The following ATG7 variants were observed in gnomAD, a reference collection of about 807,000 sequenced individuals.
ATG7 encodes the protein autophagy related 7.
In ATG7, 70 loss-of-function variants were observed where a neutral mutation model predicts 82.4. The ratio of observed to expected loss-of-function variants is 0.85; its 90% confidence interval spans 0.70 to 1.04. The LOEUF is 1.04. ATG7 is among the 50% of genes least tolerant of loss of function. ATG7 has a pLI of 0.00. For synonymous variants in ATG7, 287 were observed against 313.0 expected (o/e 0.92, Z 0.88); for missense variants, 792 against 864.3 (o/e 0.92, Z 1.05).
rs550006371 is a variant in ATG7 at position 11,316,395 on chromosome 3, T to G, written c.678+902T>G. On this transcript the variant is annotated intron_variant, in intron 9 of 20. Transcript: ENST00000693202. Reference sequence around the variant, plus strand: ...ACATCTAAAACTTTTTTTGTATCTTTGTTTTTCCTCGTGTTGTATCATCTT... The same window carrying G: ...ACATCTAAAACTTTTTTTGTATCTTGGTTTTTCCTCGTGTTGTATCATCTT... 1.2e-4 allele frequency among the ~76,000 whole-genome samples: 19 copies of G among 152,370 alleles called. No individual in the cohort carries two copies. In the South Asian group the frequency reaches 3.5e-3, roughly 28 times the overall value.
chr3:11,400,617 C>G (rs989733834), intron 19 of ATG7, among the ~76,000 whole-genome samples: 1 of 152,056 alleles, frequency 6.6e-6, no homozygotes, highest in Non-Finnish European at 1.5e-5. Flanking sequence ...ACCCCCCACC[C>G]CAAAATACTG....
chr3:11,435,122 T>C (rs1421061726), intron 20 of ATG7, among the ~76,000 whole-genome samples: 1 of 152,240 alleles, frequency 6.6e-6, no homozygotes, highest in African/African-American at 2.4e-5. Context: ...TAAAAGTGTT[T>C]AAAAATATAT....
rs181542655 is a variant in ATG7 at position 11,411,723 on chromosome 3, A to C, written c.1957-15081A>C. On this transcript the variant is annotated intron_variant, in intron 19 of 20. Coordinates refer to ENST00000693202, the MANE Select transcript of ATG7 (RefSeq NM_001349232.2). ...CCTTTTTACTCTGTTGATGTTGTCC[A>C]TCTATGAAATTCAGTCTATTTTTTT... is the stretch of plus-strand genomic sequence containing the variant. 1.4e-4 allele frequency among the ~76,000 whole-genome samples: 20 copies of C among 147,708 alleles called. No individual in the cohort carries two copies. In the East Asian group the frequency reaches 3.6e-3, roughly 27 times the overall value.
chr3:11,526,062 A>C (rs939872413), intron 20 of ATG7, among the ~76,000 whole-genome samples: 2 of 152,198 alleles, frequency 1.3e-5, no homozygotes, highest in Admixed American at 6.5e-5. Context: ...CCAAATTCAC[A>C]GGCAGAATAT....
In ATG7 at chr3:11,557,615, T is replaced by TAA. The variant is rs2125090687; in HGVS notation, c.*2773_*2774dup. On this transcript the variant is annotated 3_prime_UTR_variant, in exon 21 of 21. Transcript: ENST00000693202. ...TCTTAGAGTACAACTGTACCAGCAGTAAGTATATCTAGGACTGTAACTGAC... is the reference window on the plus strand; with the variant it reads ...TCTTAGAGTACAACTGTACCAGCAGTAAAAGTATATCTAGGACTGTAACTGAC... 6.5e-6 allele frequency: 1 copy of TAA among 152,888 alleles called. No individual in the cohort carries two copies. Among genetic ancestry groups the TAA allele is most frequent in the East Asian group, 1.9e-4 (1 of 5,330 alleles). 9.5% of individuals were successfully genotyped at this position (152,888 alleles called of 1,614,324 possible). A position where few individuals can be genotyped will look rare whatever the true frequency, so the allele number is the denominator to read the frequency against.
intron 19 of ATG7, among the ~76,000 whole-genome samples, chr3:11,422,507 T>C (rs923501614): frequency 2.0e-5 from 3 of 152,194 alleles, no homozygotes; most frequent in African/African-American, 7.2e-5. Context: ...TGCTCTGGAT[T>C]GGGCTTTGCC....
At chr3:11,294,907 G>T (rs1318646924) in intron 3 of ATG7, among the ~76,000 whole-genome samples, 1 of 152,154 alleles carries the variant, frequency 6.6e-6, no homozygotes, top group African/African-American at 2.4e-5. Context: ...ATGGTCAGGA[G>T]TTCGAGACCA....
chr3:11,454,019 A>G (rs1366141010), intron 20 of ATG7, among the ~76,000 whole-genome samples: 1 of 152,212 alleles, frequency 6.6e-6, no homozygotes, highest in African/African-American at 2.4e-5. Context: ...TTCAAACCTC[A>G]ATCTTGCTAA....
intron 9 of ATG7, among the ~76,000 whole-genome samples, chr3:11,328,622 T>A (rs1369707818): frequency 1.3e-5 from 2 of 152,210 alleles, no homozygotes; most frequent in African/African-American, 2.4e-5. Context: ...AAGACCATAG[T>A]AAAATTCATT....
In ATG7 at chr3:11,348,035, G is replaced by T. The variant is rs778388524; in HGVS notation, c.1284G>T (p.Val428=). 1 of 1,611,874 alleles carries T rather than the reference G, an allele frequency of 6.2e-7. No homozygotes were observed. Among genetic ancestry groups the T allele is most frequent in the Non-Finnish European group, 8.5e-7 (1 of 1,178,568 alleles). Reference sequence around the variant, plus strand: ...GGCTCCAGAAAATATTCCCCGGTGTGGTATGTTGTTGCTTTTGCAGAGGTT... The same window carrying T: ...GGCTCCAGAAAATATTCCCCGGTGTTGTATGTTGTTGCTTTTGCAGAGGTT... ...ADRLQKIFPG[V]NARGFNMSIP... The change falls in exon 14 of 21, where the codon GTG becomes GTT. Residue 428 remains valine, a splice_region_variant and synonymous_variant. Transcript: ENST00000693202.
rs764779262 is a variant in ATG7, at chr3:11,554,867, T to G, written c.*24T>G. 9.4e-5 allele frequency: 151 copies of G among 1,611,230 alleles called. No homozygotes were observed. Among genetic ancestry groups the G allele is most frequent in the Non-Finnish European group, 1.2e-4 (139 of 1,179,302 alleles). ...GAGATGGCCCCGCTGTGGGGCTGAC[T>G]TCTCCCCGGCCGCCTGCTGAGGAGC... On this transcript the variant is annotated 3_prime_UTR_variant, in exon 21 of 21. Coordinates refer to ENST00000693202, the MANE Select transcript of ATG7 (RefSeq NM_001349232.2).
chr3:11,348,038 A>T lies in ATG7; in HGVS notation c.1284+3A>T. 2 of 1,611,794 alleles carry T rather than the reference A, an allele frequency of 1.2e-6. No individual in the cohort carries two copies. Among genetic ancestry groups the T allele is most frequent in the Non-Finnish European group, 1.7e-6 (2 of 1,178,444 alleles). ...TCCAGAAAATATTCCCCGGTGTGGTATGTTGTTGCTTTTGCAGAGGTTTTC... is the reference window on the plus strand; with the variant it reads ...TCCAGAAAATATTCCCCGGTGTGGTTTGTTGTTGCTTTTGCAGAGGTTTTC... On this transcript the variant is annotated splice_donor_region_variant and intron_variant, in intron 14 of 20. Coordinates refer to ENST00000693202, the MANE Select transcript of ATG7 (RefSeq NM_001349232.2).
chr3:11,351,334 G>A (rs1049866712), intron 14 of ATG7, among the ~76,000 whole-genome samples: 4 of 152,216 alleles, frequency 2.6e-5, no homozygotes, highest in African/African-American at 9.6e-5. Flanking sequence ...TGACCTAGAT[G>A]AGGGGTGGAC....
intron 20 of ATG7, among the ~76,000 whole-genome samples, chr3:11,531,931 G>C (rs1428820345): frequency 6.6e-6 from 1 of 150,824 alleles, no homozygotes; most frequent in Non-Finnish European, 1.5e-5. Context: ...TGCTTACTGT[G>C]TGCCAAGCAC....
chr3:11,273,609 A>C (rs1941008593), intron 1 of ATG7, among the ~76,000 whole-genome samples: 1 of 152,244 alleles, frequency 6.6e-6, no homozygotes, highest in South Asian at 2.1e-4. Context: ...CAGCATATAG[A>C]GCAATGCCTA....
At chr3:11,331,883 A>G (rs1562615) in intron 10 of ATG7, among the ~76,000 whole-genome samples, 3 of 152,098 alleles carry the variant, frequency 2.0e-5, no homozygotes, top group African/African-American at 4.8e-5. Flanking sequence ...CCATAATGAG[A>G]TGCTACTACA....
intron 18 of ATG7, among the ~76,000 whole-genome samples, chr3:11,375,873 G>A (rs2077382147): frequency 6.6e-6 from 1 of 152,182 alleles, no homozygotes; most frequent in South Asian, 2.1e-4. Flanking sequence ...TTAATATGAT[G>A]TGGTCACTTT....
intron 20 of ATG7, among the ~76,000 whole-genome samples, chr3:11,483,698 A>G (rs954468970): frequency 1.3e-5 from 2 of 152,186 alleles, no homozygotes; most frequent in African/African-American, 4.8e-5. Flanking sequence ...AGACACTATT[A>G]TTATATTGAC....
At chr3:11,524,784 C>T (rs1217716329) in intron 20 of ATG7, among the ~76,000 whole-genome samples, 1 of 151,610 alleles carries the variant, frequency 6.6e-6, no homozygotes, top group Non-Finnish European at 1.5e-5. Context: ...AAAACCCTGT[C>T]ATTTAAAACA....
Sources: allele counts gnomAD v4.1 joint callset (sites outside exome capture counted in the v4.1 genomes callset), GRCh38; gene constraint gnomAD v4.1.1; transcripts MANE v1.5; gene names NCBI Gene and HGNC (gene_info 2026-07-23, HGNC 2026-07-21).